Variants in HAUS7 observed in about 807,000 individuals in gnomAD.
HAUS7 encodes the protein HAUS augmin-like complex subunit 7.
HAUS7 carries 3 observed loss-of-function variants against 28.4 expected under a neutral mutation model. That is an observed-to-expected ratio of 0.11 (90% CI 0.05 to 0.27). The LOEUF (loss-of-function observed/expected upper bound fraction) is 0.27. HAUS7 is among the 10% of genes least tolerant of loss of function. HAUS7 has a pLI of 1.00. For missense variants in HAUS7, 284 were observed against 297.3 expected, an observed-to-expected ratio of 0.96 and a Z score of 0.33; for synonymous variants, 165 against 132.1, an observed-to-expected ratio of 1.25 and a Z score of -1.71.
chrX:153,484,911 G>A (rs1398929960), intron 1 of HAUS7, among the ~76,000 whole-genome samples: 1 of 112,865 alleles, frequency 8.9e-6, no homozygotes, highest in African/African-American at 3.2e-5. Flanking sequence ...AGAGGCACAG[G>A]AGCAGCCCAA....
chrX:153,486,549 T>G (rs1556988581), intron 1 of HAUS7: 2 of 758,080 alleles, frequency 2.6e-6, no homozygotes, highest in Non-Finnish European at 1.8e-6. Flanking sequence ...AGGGCAGGGG[T>G]CTCTGTCTCT....
chrX:153,488,065 AGAGACAGCCAG>A (rs1475027007), intron 1 of HAUS7, among the ~76,000 whole-genome samples: 1 of 112,924 alleles, frequency 8.9e-6, no homozygotes, highest in African/African-American at 3.2e-5. Context: ...TGGGGCTCAC[AGAGACAGCCAG>A]GTGACAGGCA....
intron 3 of HAUS7, among the ~76,000 whole-genome samples, chrX:153,463,479 G>A (rs2089418658): frequency 8.9e-6 from 1 of 111,948 alleles, no homozygotes; most frequent in Non-Finnish European, 1.9e-5. Flanking sequence ...CTCCTGCACT[G>A]CCTCTCCAAA....
At chrX:153,455,006 T>G in intron 8 of HAUS7, 1 of 1,023,658 alleles carries the variant, frequency 9.8e-7, no homozygotes, top group Non-Finnish European at 1.3e-6. Context: ...ACGTGGGAAC[T>G]GTAGTCATCG....
chrX:153,483,762 G>C (rs1415942509), intron 1 of HAUS7, among the ~76,000 whole-genome samples: 2 of 111,855 alleles, frequency 1.8e-5, no homozygotes, highest in Non-Finnish European at 3.8e-5. Flanking sequence ...AATCCCCTTT[G>C]CCCTCCCGTG....
At chrX:153,453,537 C>T (rs782043243) in intron 9 of HAUS7, among the ~76,000 whole-genome samples, 5 of 109,781 alleles carry the variant, frequency 4.6e-5, no homozygotes, top group African/African-American at 1.7e-4. Flanking sequence ...TTCTAGCCCC[C>T]TGAAACGTGG....
chrX:153,458,535 A>C (rs782820251), intron 4 of HAUS7, among the ~76,000 whole-genome samples: 1 of 112,716 alleles, frequency 8.9e-6, no homozygotes, highest in South Asian at 3.7e-4. Context: ...TCAGGCCATT[A>C]AGAATAACAC....
At chrX:153,485,997 C>T (rs1475424634) in intron 1 of HAUS7, 9 of 978,923 alleles carry the variant, frequency 9.2e-6, no homozygotes, top group South Asian at 4.0e-5. Flanking sequence ...GCCTCGCTGG[C>T]GGAGCTGCTC....
chrX:153,475,559 G>A (rs1284718660), upstream of HAUS7, among the ~76,000 whole-genome samples: 4 of 112,494 alleles, frequency 3.6e-5, no homozygotes, highest in East Asian at 1.1e-3. Flanking sequence ...AACAGGAAGA[G>A]GGCATGGAAA....
intron 1 of HAUS7, among the ~76,000 whole-genome samples, chrX:153,494,702 G>C (rs1408012379): frequency 1.9e-5 from 2 of 103,254 alleles, no homozygotes; most frequent in Non-Finnish European, 4.0e-5. Flanking sequence ...GTGAGTGCGA[G>C]TGTGTCCGTT....
intron 1 of HAUS7, chrX:153,486,131 C>T (rs782005382): frequency 4.9e-5 from 43 of 869,665 alleles, no homozygotes; most frequent in Admixed American, 2.1e-4. Flanking sequence ...CACCTGTGGC[C>T]GTCTCCACCC....
intron 1 of HAUS7, chrX:153,480,860 C>T (rs782484095): frequency 3.1e-5 from 23 of 753,918 alleles, no homozygotes; most frequent in South Asian, 2.0e-4. Context: ...CAGGGAAGCC[C>T]GAGGCCTTGA....
At chrX:153,455,343 C>T (rs1168945348) in intron 8 of HAUS7, 199 bp downstream of exon 8, 1 of 447,374 alleles carries the variant, frequency 2.2e-6, no homozygotes, top group Non-Finnish European at 3.9e-6. Flanking sequence ...CAGCACCTCC[C>T]CAGCCCACTG....
intron 9 of HAUS7, among the ~76,000 whole-genome samples, chrX:153,453,204 A>G (rs782347600): frequency 1.8e-5 from 2 of 112,340 alleles, no homozygotes; most frequent in South Asian, 3.7e-4. Flanking sequence ...GGAAATGTCC[A>G]GCACAGGCAA....
chrX:153,466,500 AC>A (rs1438815365), intron 2 of HAUS7, among the ~76,000 whole-genome samples: 1 of 111,865 alleles, frequency 8.9e-6, no homozygotes, highest in African/African-American at 3.2e-5. Context: ...CCCAACCCAC[AC>A]CAAGGACCAA....
Position 153,466,004 on chromosome X carries a change from C to T in HAUS7, c.225-949G>A, listed in dbSNP as rs782308081. Among the ~76,000 whole-genome samples the T allele has an allele frequency of 9.9e-4, 112 of 112,825 alleles. 1 individual carries two copies. The highest frequency in any genetic ancestry group is 1.6e-3 in the Admixed American group (17 of 10,771). On this transcript the variant is annotated intron_variant, in intron 2 of 9. Coordinates refer to ENST00000370211, the MANE Select transcript of HAUS7 (RefSeq NM_001385482.1). ...TGGCTACACCTCACCATTGCCATCA[C>T]TCTAGGAGCCTGCTGACTCGTGTGG...
chrX:153,481,761 G>A (rs1337896467), intron 1 of HAUS7: 1 of 729,499 alleles, frequency 1.4e-6, no homozygotes, highest in Non-Finnish European at 1.6e-6. Flanking sequence ...GAGGTACAGA[G>A]TGGCAGCGGG....
chrX:153,470,762 G>A, upstream of HAUS7: 1 of 526,563 alleles, frequency 1.9e-6, no homozygotes, highest in East Asian at 3.7e-5. Context: ...GGACCACAGT[G>A]AAGCGGGCAG....
At chrX:153,479,287 C>T (rs147726252) in intron 1 of HAUS7, 64,345 of 729,002 alleles carry the variant, frequency 0.088, 2,277 homozygotes, top group Non-Finnish European at 0.099. Flanking sequence ...GCTCCCCATC[C>T]TGGCACTGTG....
Sources: allele counts gnomAD v4.1 joint callset (sites outside exome capture counted in the v4.1 genomes callset), GRCh38; gene constraint gnomAD v4.1.1; transcripts MANE v1.5; gene names NCBI Gene and HGNC (gene_info 2026-07-23, HGNC 2026-07-21).